CAMKMT: variants seen among roughly 807,000 people sequenced by gnomAD.
CAMKMT encodes calmodulin-lysine N-methyltransferase, also known as CaM KMT.
Under a neutral mutation model 48.0 loss-of-function variants are expected in CAMKMT, and 53 were observed. That is an observed-to-expected ratio of 1.10 (90% CI 0.89 to 1.39). The LOEUF (loss-of-function observed/expected upper bound fraction) is 1.39. CAMKMT is among the 40% of genes most tolerant of loss of function. The pLI, the probability that CAMKMT is intolerant of heterozygous loss-of-function variation, is 0.00. For synonymous variants in CAMKMT, 165 were observed against 152.3 expected (o/e 1.08, Z -0.61); for missense variants, 428 against 402.7 (o/e 1.06, Z -0.54).
chr2:44,661,207 G>A (rs1391263412), intron 3 of CAMKMT, among the ~76,000 whole-genome samples: 1 of 151,836 alleles, frequency 6.6e-6, no homozygotes, highest in Non-Finnish European at 1.5e-5. Flanking sequence ...TTTACAGAGT[G>A]GCATTAGGTT....
intron 3 of CAMKMT, among the ~76,000 whole-genome samples, chr2:44,665,581 A>T (rs990376350): frequency 6.6e-6 from 1 of 152,146 alleles, no homozygotes; most frequent in Non-Finnish European, 1.5e-5. Flanking sequence ...TGGATGGTTG[A>T]TCAGATTTTT....
intron 7 of CAMKMT, 118 bp downstream of exon 7, chr2:44,715,471 C>T: frequency 4.3e-6 from 3 of 694,736 alleles, no homozygotes; most frequent in Non-Finnish European, 7.5e-6. Context: ...GTGTCAGGCA[C>T]TGTTTTAAGC....
chr2:44,567,645 C>T (rs1251550860), intron 3 of CAMKMT, among the ~76,000 whole-genome samples: 2 of 152,118 alleles, frequency 1.3e-5, no homozygotes, highest in Non-Finnish European at 2.9e-5. Flanking sequence ...TAGACAGAGA[C>T]AGACATGGGA....
At chr2:44,723,033 G>A (rs756500807) in intron 7 of CAMKMT, among the ~76,000 whole-genome samples, 6 of 152,054 alleles carry the variant, frequency 3.9e-5, no homozygotes, top group Non-Finnish European at 8.8e-5. Context: ...CACAGAGCTG[G>A]GATCAGTTTT....
chr2:44,458,867 C>T (rs1572557637), intron 3 of CAMKMT, among the ~76,000 whole-genome samples: 1 of 152,050 alleles, frequency 6.6e-6, no homozygotes, highest in South Asian at 2.1e-4. Flanking sequence ...TTCTAAAGGC[C>T]ATACGTAACT....
At chr2:44,454,468 C>T (rs993624882) in intron 3 of CAMKMT, among the ~76,000 whole-genome samples, 4 of 151,910 alleles carry the variant, frequency 2.6e-5, no homozygotes, top group Admixed American at 6.6e-5. Flanking sequence ...GTCAGAAATC[C>T]CCCTCTAAAT....
At chr2:44,628,920 G>T (rs1343415787) in intron 3 of CAMKMT, among the ~76,000 whole-genome samples, 1 of 152,070 alleles carries the variant, frequency 6.6e-6, no homozygotes, top group Non-Finnish European at 1.5e-5. Context: ...TTGAAGAATT[G>T]TTATATAGCC....
chr2:44,404,621 G>A (rs1376156064), intron 3 of CAMKMT, among the ~76,000 whole-genome samples: 1 of 151,992 alleles, frequency 6.6e-6, no homozygotes, highest in Non-Finnish European at 1.5e-5. Flanking sequence ...AATCCCTTAA[G>A]TACTTTTCCT....
At chr2:44,365,151 G>C (rs1047843157) in intron 1 of CAMKMT, among the ~76,000 whole-genome samples, 2 of 152,162 alleles carry the variant, frequency 1.3e-5, no homozygotes, top group Non-Finnish European at 2.9e-5. Flanking sequence ...AGCAGTGCTA[G>C]AGATATGTGA....
chr2:44,652,482 C>T (rs749407822), intron 3 of CAMKMT, among the ~76,000 whole-genome samples: 5 of 152,168 alleles, frequency 3.3e-5, no homozygotes, highest in African/African-American at 4.8e-5. Context: ...ATGACAACCC[C>T]TCTGGGGTCT....
intron 9 of CAMKMT, 83 bp from the exon 10 acceptor site, chr2:44,766,347 A>C: frequency 1.4e-6 from 2 of 1,479,506 alleles, no homozygotes; most frequent in East Asian, 4.5e-5. Context: ...TGAGAGCAGT[A>C]CATTAAATGC....
At chr2:44,530,604 GT>G (rs1666431368) in intron 3 of CAMKMT, among the ~76,000 whole-genome samples, 1 of 152,030 alleles carries the variant, frequency 6.6e-6, no homozygotes, top group African/African-American at 2.4e-5. Flanking sequence ...TACTTTTAAG[GT>G]TCTTATAGGG....
chr2:44,475,456 T>A (rs1268847663), intron 3 of CAMKMT, among the ~76,000 whole-genome samples: 1 of 152,108 alleles, frequency 6.6e-6, no homozygotes, highest in Non-Finnish European at 1.5e-5. Flanking sequence ...TAGCTAGGAT[T>A]ACAGGTGCGT....
chr2:44,526,335 T>C (rs1671402274), intron 3 of CAMKMT, among the ~76,000 whole-genome samples: 2 of 152,204 alleles, frequency 1.3e-5, no homozygotes, highest in African/African-American at 4.8e-5. Flanking sequence ...AAAATTTCTA[T>C]TAGGGTTCTA....
At chr2:44,464,605 A>G (rs1306171433) in intron 3 of CAMKMT, among the ~76,000 whole-genome samples, 3 of 152,184 alleles carry the variant, frequency 2.0e-5, no homozygotes, top group African/African-American at 7.2e-5. Context: ...TGACACATAC[A>G]AGGGAGCTCC....
At chr2:44,699,460 T>A (rs963457115) in intron 3 of CAMKMT, among the ~76,000 whole-genome samples, 6 of 152,176 alleles carry the variant, frequency 3.9e-5, no homozygotes, top group African/African-American at 1.4e-4. Context: ...AGGGAAGTGC[T>A]TTTTTCGGAG....
rs990045116 is a variant in CAMKMT at position 44,477,854 on chromosome 2, G to C, written c.376+87549G>C. Among the ~76,000 whole-genome samples the C allele has an allele frequency of 3.9e-5, 6 of 152,300 alleles. 1 individual carries two copies. The highest frequency in any genetic ancestry group is 4.1e-4 in the South Asian group (2 of 4,830). On this transcript the variant is annotated intron_variant, in intron 3 of 10. Coordinates refer to ENST00000378494, the MANE Select transcript of CAMKMT (RefSeq NM_024766.5). The stretch of plus-strand genomic sequence containing the variant: ...ATGGTACAGGTATAGGCTAAGCTTG[G>C]TCACAGGTGAAAGGCAGTAGTGTGA...
At chr2:44,566,149 G>A (rs1668604421) in intron 3 of CAMKMT, among the ~76,000 whole-genome samples, 1 of 152,170 alleles carries the variant, frequency 6.6e-6, no homozygotes, top group Non-Finnish European at 1.5e-5. Context: ...TACAGCAAGA[G>A]CCATTGCTAA....
chr2:44,516,210 C>T (rs1670825589), intron 3 of CAMKMT, among the ~76,000 whole-genome samples: 1 of 152,204 alleles, frequency 6.6e-6, no homozygotes, highest in Non-Finnish European at 1.5e-5. Context: ...TCACGTTAGA[C>T]TCATGCAGTA....
Sources: allele counts gnomAD v4.1 joint callset (sites outside exome capture counted in the v4.1 genomes callset), GRCh38; gene constraint gnomAD v4.1.1; transcripts MANE v1.5; gene names NCBI Gene and HGNC (gene_info 2026-07-23, HGNC 2026-07-21).